MIR2052HG: variants seen among roughly 807,000 people sequenced by gnomAD.
MIR2052HG encodes the protein MIR2052 host gene.
chr8:74,606,224 A>G, intron 1 of MIR2052HG, among the ~76,000 whole-genome samples: 1 of 152,196 alleles, frequency 6.6e-6, no homozygotes, highest in Non-Finnish European at 1.5e-5. Flanking sequence ...TTGCCACAGT[A>G]TCTTATCGGT....
intron 4 of MIR2052HG, among the ~76,000 whole-genome samples, chr8:74,748,094 C>CT (rs1809905477): frequency 6.6e-6 from 1 of 151,996 alleles, no homozygotes; most frequent in South Asian, 2.1e-4. Flanking sequence ...ATTTTATGGC[C>CT]TTTGTTTTTT....
At chr8:74,603,528 C>A in intron 1 of MIR2052HG, 1 of 1,537,928 alleles carries the variant, frequency 6.5e-7, no homozygotes, top group Non-Finnish European at 9.0e-7. Context: ...GAGAAGTAGT[C>A]TGAGCAGATG....
At chr8:74,634,749 A>G (rs1309540921) in intron 2 of MIR2052HG, among the ~76,000 whole-genome samples, 3 of 152,156 alleles carry the variant, frequency 2.0e-5, no homozygotes, top group Non-Finnish European at 4.4e-5. Flanking sequence ...GTATACAATC[A>G]GGAGACATCT....
At chr8:74,744,597 T>A (rs958076414) in intron 4 of MIR2052HG, among the ~76,000 whole-genome samples, 1 of 152,078 alleles carries the variant, frequency 6.6e-6, no homozygotes, top group African/African-American at 2.4e-5. Context: ...GTCCTTGCGA[T>A]AGTTTACTGA....
intron 2 of MIR2052HG, among the ~76,000 whole-genome samples, chr8:74,627,706 G>A (rs531056914): frequency 4.5e-4 from 68 of 152,194 alleles, no homozygotes; most frequent in Non-Finnish European, 8.2e-4. Flanking sequence ...ACATGTGGTT[G>A]TCCATGTAAT....
Position 74,654,349 on chromosome 8 carries a change from A to G in MIR2052HG, n.216+41409A>G, listed in dbSNP as rs117943996. On this transcript the variant is annotated intron_variant and non_coding_transcript_variant, in intron 2 of 6. Coordinates refer to ENST00000523442, the Ensembl canonical transcript of MIR2052HG. The stretch of plus-strand genomic sequence containing the variant: ...GGCAGGGTGTACTGTTTGCACTCAG[A>G]CAAAAGATACATGGGTGTTTCCATT... Among the ~76,000 whole-genome samples the G allele has an allele frequency of 6.7e-3, 1,024 of 152,218 alleles. 15 individuals are homozygous for G. Among genetic ancestry groups the G allele is most frequent in the Non-Finnish European group, 1.0e-2 (678 of 68,016 alleles).
At chr8:74,658,064 C>A (rs574439432) in intron 2 of MIR2052HG, among the ~76,000 whole-genome samples, 1 of 152,298 alleles carries the variant, frequency 6.6e-6, no homozygotes, top group Non-Finnish European at 1.5e-5. Context: ...TGGATTCTTG[C>A]CTGAGGGCCT....
chr8:74,657,566 G>A (rs2010802), intron 2 of MIR2052HG, among the ~76,000 whole-genome samples: 60,973 of 151,914 alleles, frequency 0.4, 13,438 homozygotes, highest in East Asian at 0.66. Context: ...ACAAACCTGA[G>A]ACTGGGCAAT....
chr8:74,734,825 C>A (rs1464197175), intron 4 of MIR2052HG, among the ~76,000 whole-genome samples: 3 of 152,156 alleles, frequency 2.0e-5, no homozygotes, highest in African/African-American at 7.2e-5. Flanking sequence ...CAGAGGGGAT[C>A]CAACAGAGAG....
intron 2 of MIR2052HG, among the ~76,000 whole-genome samples, chr8:74,683,615 C>G (rs1809148129): frequency 1.3e-5 from 2 of 151,974 alleles, no homozygotes; most frequent in African/African-American, 4.8e-5. Flanking sequence ...CTGTAATGTT[C>G]CTTTTGATTT....
At chr8:74,739,174 T>C (rs80041783) in intron 4 of MIR2052HG, among the ~76,000 whole-genome samples, 7,552 of 152,304 alleles carry the variant, frequency 0.05, 442 homozygotes, top group African/African-American at 0.14. Context: ...TGAGCAGATG[T>C]AAAGTCATCA....
chr8:74,656,265 C>T (rs917750827), intron 2 of MIR2052HG, among the ~76,000 whole-genome samples: 69 of 152,124 alleles, frequency 4.5e-4, no homozygotes, highest in Non-Finnish European at 8.8e-4. Context: ...GTTGGGAAGG[C>T]ATGATTGGTT....
chr8:74,647,235 A>T (rs1034851380), intron 2 of MIR2052HG, among the ~76,000 whole-genome samples: 3 of 152,196 alleles, frequency 2.0e-5, no homozygotes, highest in South Asian at 2.1e-4. Context: ...ATGGCATTAC[A>T]GAGAGGTTGC....
Position 74,622,006 on chromosome 8 carries a change from G to A in MIR2052HG, n.216+9066G>A, listed in dbSNP as rs1181930692. Among the ~76,000 whole-genome samples, 5 of 151,788 alleles carry A rather than the reference G, an allele frequency of 3.3e-5. No homozygotes were observed. The East Asian group carries it at 9.6e-4, about 29-fold the overall frequency. ...CTGGTCTGGGTAATGATTTTTTTTG[G>A]GTATGACCCCAAGAGTACAGGCAGC... On this transcript the variant is annotated intron_variant and non_coding_transcript_variant, in intron 2 of 6. Transcript: ENST00000523442.
At position 74,739,555 on chromosome 8, in the gene MIR2052HG, T is replaced by C. The variant is rs553361104; in HGVS notation, n.372-12886T>C. Among the ~76,000 whole-genome samples the C allele has an allele frequency of 2.0e-5, 3 of 152,208 alleles. No individual in the cohort carries two copies. In the East Asian group the frequency reaches 5.8e-4, roughly 29 times the overall value. On this transcript the variant is annotated intron_variant and non_coding_transcript_variant, in intron 4 of 6. Transcript: ENST00000523442. ...GTTCATGAATTCCCCAGAACTTTCA[T>C]AGGAAATGGAGAATGCAAAGGTCAT...
At chr8:74,753,893 G>C (rs1809973780) in intron 5 of MIR2052HG, among the ~76,000 whole-genome samples, 1 of 152,152 alleles carries the variant, frequency 6.6e-6, no homozygotes, top group South Asian at 2.1e-4. Context: ...CATGAGAATT[G>C]TTAGTATCCT....
intron 4 of MIR2052HG, among the ~76,000 whole-genome samples, chr8:74,747,504 G>A (rs747232598): frequency 6.6e-6 from 1 of 152,156 alleles, no homozygotes; most frequent in Non-Finnish European, 1.5e-5. Context: ...CTAAAAATAT[G>A]TAATAACTCC....
chr8:74,618,667 G>A lies in MIR2052HG; in HGVS notation n.216+5727G>A, dbSNP rs528780952. 2.0e-5 allele frequency among the ~76,000 whole-genome samples: 3 copies of A among 152,290 alleles called. No homozygotes were observed. In the South Asian group the frequency reaches 6.2e-4, roughly 32 times the overall value. On this transcript the variant is annotated intron_variant and non_coding_transcript_variant, in intron 2 of 6. Coordinates refer to ENST00000523442, the Ensembl canonical transcript of MIR2052HG. The stretch of plus-strand genomic sequence containing the variant: ...CCAAAACAAAATAAAAGTTGTATAT[G>A]ACAAGCCCACAGATAATATCAACTC...
At chr8:74,732,104 C>G (rs1483292054) in intron 4 of MIR2052HG, among the ~76,000 whole-genome samples, 1 of 152,066 alleles carries the variant, frequency 6.6e-6, no homozygotes, top group Non-Finnish European at 1.5e-5. Flanking sequence ...TAGCTTCAAC[C>G]AACCATGAAT....
Sources: gnomAD v4.1 joint callset for allele counts (sites outside exome capture counted in the v4.1 genomes callset) on GRCh38, gnomAD v4.1.1 for gene constraint, MANE v1.5 for transcripts, NCBI Gene and HGNC (gene_info 2026-07-23, HGNC 2026-07-21) for gene names.